CERK: variants seen among roughly 807,000 people sequenced by gnomAD.
The protein encoded by CERK is acylsphingosine kinase.
CERK carries 39 observed loss-of-function variants against 63.4 expected under a neutral mutation model. The ratio of observed to expected loss-of-function variants is 0.61; its 90% CI spans 0.48 to 0.80. The LOEUF (loss-of-function observed/expected upper bound fraction) is 0.80. Ranked by LOEUF, CERK falls within the 30% of genes least tolerant of loss-of-function variation. The pLI is 0.00. For missense variants in CERK, 670 were observed against 714.1 expected (o/e 0.94, Z 0.70); for synonymous variants, 302 against 280.0 (o/e 1.08, Z -0.78).
intron 10 of CERK, among the ~76,000 whole-genome samples, chr22:46,692,904 CAAAAA>C (rs34255348): frequency 2.2e-5 from 2 of 92,984 alleles, no homozygotes; most frequent in Non-Finnish European, 4.5e-5. Flanking sequence ...AAACTCCATC[CAAAAA>C]AAAAAAAAAA....
chr22:46,717,583 C>T (rs544961046), intron 3 of CERK, among the ~76,000 whole-genome samples: 1 of 152,380 alleles, frequency 6.6e-6, no homozygotes, highest in South Asian at 2.1e-4. Flanking sequence ...AGGTTTCATA[C>T]TGTATGATCT....
At chr22:46,729,358 A>G (rs536021899) in intron 1 of CERK, among the ~76,000 whole-genome samples, 114 of 152,216 alleles carry the variant, frequency 7.5e-4, no homozygotes, top group Non-Finnish European at 1.5e-3. Flanking sequence ...CTGTAAATAA[A>G]TAAATTAATT....
chr22:46,691,056 T>TACATACAC (rs1555982639), intron 11 of CERK, among the ~76,000 whole-genome samples: 2 of 147,194 alleles, frequency 1.4e-5, no homozygotes, highest in African/African-American at 5.0e-5. Context: ...TATACATACA[T>TACATACAC]ACACACACAC....
chr22:46,699,914 C>T (rs184998551), intron 7 of CERK, among the ~76,000 whole-genome samples: 2 of 152,156 alleles, frequency 1.3e-5, no homozygotes, highest in African/African-American at 2.4e-5. Context: ...AATGGTGAAA[C>T]CTTGTCTCTA....
intron 1 of CERK, among the ~76,000 whole-genome samples, chr22:46,726,267 A>G (rs573551760): frequency 5.5e-4 from 84 of 152,372 alleles, no homozygotes; most frequent in African/African-American, 1.9e-3. Context: ...CTAAGAGCAC[A>G]GGGGAGCACA....
chr22:46,720,532 T>C (rs917701032), intron 2 of CERK, among the ~76,000 whole-genome samples: 3 of 151,880 alleles, frequency 2.0e-5, no homozygotes, highest in African/African-American at 7.3e-5. Context: ...CCGTCTTTAC[T>C]TAAAATACAA....
At chr22:46,694,832 C>T (rs2082748107) in intron 9 of CERK, among the ~76,000 whole-genome samples, 1 of 152,210 alleles carries the variant, frequency 6.6e-6, no homozygotes, top group African/African-American at 2.4e-5. Flanking sequence ...TGCACACGCA[C>T]AGTCACTGAT....
At chr22:46,719,782 G>A (rs1569327601) in intron 3 of CERK, among the ~76,000 whole-genome samples, 1 of 152,240 alleles carries the variant, frequency 6.6e-6, no homozygotes, top group Non-Finnish European at 1.5e-5. Context: ...GAATGTAAAA[G>A]CTATTACCAT....
At chr22:46,705,902 T>C (rs998402404) in intron 6 of CERK, among the ~76,000 whole-genome samples, 1 of 151,874 alleles carries the variant, frequency 6.6e-6, no homozygotes, top group Admixed American at 6.6e-5. Flanking sequence ...CCGAGTGTGG[T>C]GGTGCACGCC....
chr22:46,724,754 T>G (rs1172672328), intron 1 of CERK, among the ~76,000 whole-genome samples: 1 of 152,060 alleles, frequency 6.6e-6, no homozygotes, highest in East Asian at 1.9e-4. Context: ...GCGGGGTGGC[T>G]CACACCTGTA....
chr22:46,727,609 G>A (rs1257853808), intron 1 of CERK, among the ~76,000 whole-genome samples: 1 of 152,010 alleles, frequency 6.6e-6, no homozygotes, highest in East Asian at 1.9e-4. Context: ...TAGTTCTAGG[G>A]ACACATCTCA....
chr22:46,736,240 G>C (rs910081765), intron 1 of CERK, among the ~76,000 whole-genome samples: 2 of 152,280 alleles, frequency 1.3e-5, no homozygotes, highest in African/African-American at 4.8e-5. Context: ...CCTGACCTGG[G>C]GGACCAGAAA....
intron 3 of CERK, among the ~76,000 whole-genome samples, chr22:46,712,651 A>G (rs1315227277): frequency 6.6e-6 from 1 of 152,160 alleles, no homozygotes. Flanking sequence ...GTGTGCAGAC[A>G]GCAGGAAGAA....
intron 1 of CERK, among the ~76,000 whole-genome samples, chr22:46,722,824 C>T (rs1002923025): frequency 1.3e-5 from 2 of 152,164 alleles, no homozygotes; most frequent in Middle Eastern, 3.2e-3. Flanking sequence ...AGTCCACGTG[C>T]GTCCTGCCAG....
chr22:46,703,027 G>A (rs743034), intron 6 of CERK, among the ~76,000 whole-genome samples: 2,694 of 152,258 alleles, frequency 0.018, 36 homozygotes, highest in Middle Eastern at 0.027. Flanking sequence ...CAGGACATGC[G>A]CATCATCTCC....
chr22:46,728,574 G>A (rs1250225210), intron 1 of CERK, among the ~76,000 whole-genome samples: 5 of 152,204 alleles, frequency 3.3e-5, no homozygotes, highest in African/African-American at 1.2e-4. Flanking sequence ...AGTACACGCT[G>A]GCCTAAATGG....
At chr22:46,702,043 T>TGCTACA (rs2082787486) in intron 6 of CERK, among the ~76,000 whole-genome samples, 2 of 151,836 alleles carry the variant, frequency 1.3e-5, no homozygotes. Context: ...TAGCCAGGCG[T>TGCTACA]GGTGGCATGC....
intron 1 of CERK, among the ~76,000 whole-genome samples, chr22:46,722,251 A>C (rs940532116): frequency 2.6e-5 from 4 of 152,214 alleles, no homozygotes; most frequent in African/African-American, 9.6e-5. Flanking sequence ...CATCATTTTT[A>C]AAGTTGTGGC....
At chr22:46,690,312 G>C in intron 11 of CERK, 112 bp from the exon 12 acceptor site, 1 of 730,256 alleles carries the variant, frequency 1.4e-6, no homozygotes, top group Non-Finnish European at 2.2e-6. Context: ...GTGCACACAC[G>C]GCCCTTCTCG....
Sources: allele counts gnomAD v4.1 joint callset (sites outside exome capture counted in the v4.1 genomes callset), GRCh38; gene constraint gnomAD v4.1.1; transcripts MANE v1.5; gene names NCBI Gene and HGNC (gene_info 2026-07-23, HGNC 2026-07-21).